Variants in C11orf65 observed in about 807,000 individuals in gnomAD.
C11orf65 encodes chromosome 11 open reading frame 65.
C11orf65 carries 38 observed loss-of-function variants against 35.3 expected under a neutral mutation model. The ratio of observed to expected loss-of-function variants is 1.08; its 90% CI spans 0.83 to 1.41. The LOEUF (loss-of-function observed/expected upper bound fraction) is 1.41, where lower values mean the gene tolerates loss of function less well. Among genes scored for constraint, C11orf65 ranks in the 40% most tolerant of loss-of-function variants. C11orf65 has a pLI of 0.00. For missense variants in C11orf65, 370 were observed against 367.1 expected (o/e 1.01, Z -0.06); for synonymous variants, 105 against 114.4 (o/e 0.92, Z 0.53).
At chr11:108,407,835 G>C (rs1339122404) in intron 3 of C11orf65, among the ~76,000 whole-genome samples, 1 of 149,668 alleles carries the variant, frequency 6.7e-6, no homozygotes, top group Non-Finnish European at 1.5e-5. Context: ...AGGAGGCTGA[G>C]GCAGGAGAAT....
chr11:108,365,566 A>G, intron 2 of C11orf65: 2 of 1,557,560 alleles, frequency 1.3e-6, no homozygotes, highest in Admixed American at 1.9e-5. Flanking sequence ...TTTAGCCTTT[A>G]TTTTTAACCT....
chr11:108,354,041 C>A (rs2089552056), intron 2 of C11orf65, among the ~76,000 whole-genome samples: 1 of 146,942 alleles, frequency 6.8e-6, no homozygotes, highest in Non-Finnish European at 1.5e-5. Flanking sequence ...TACAGCAAGA[C>A]CCTGTATCTA....
chr11:108,447,072 A>T (rs1406550105), intron 2 of C11orf65, among the ~76,000 whole-genome samples: 1 of 152,220 alleles, frequency 6.6e-6, no homozygotes, highest in Non-Finnish European at 1.5e-5. Context: ...CAATTCAACA[A>T]GAAGAGCTAA....
intron 2 of C11orf65, among the ~76,000 whole-genome samples, chr11:108,374,940 A>G (rs1297541746): frequency 2.0e-5 from 3 of 152,216 alleles, no homozygotes; most frequent in African/African-American, 7.2e-5. Context: ...TTAGAGAAAA[A>G]AGAATAAAAA....
At chr11:108,359,268 C>A (rs2090417925) in intron 2 of C11orf65, among the ~76,000 whole-genome samples, 1 of 151,402 alleles carries the variant, frequency 6.6e-6, no homozygotes, top group Non-Finnish European at 1.5e-5. Context: ...TATATGCACC[C>A]AATACAGGAG....
chr11:108,455,791 G>T (rs1279100088), intron 2 of C11orf65, among the ~76,000 whole-genome samples: 1 of 130,170 alleles, frequency 7.7e-6, no homozygotes, highest in Non-Finnish European at 1.6e-5. Context: ...ACTCCAGCCT[G>T]GGTGACAGAG....
At chr11:108,402,428 C>T (rs1392285797) in intron 6 of C11orf65, among the ~76,000 whole-genome samples, 2 of 152,170 alleles carry the variant, frequency 1.3e-5, no homozygotes, top group Non-Finnish European at 2.9e-5. Flanking sequence ...TTTGGTAGTA[C>T]TGTAGGCATT....
intron 2 of C11orf65, among the ~76,000 whole-genome samples, chr11:108,460,386 T>C (rs2093459105): frequency 6.6e-6 from 1 of 152,178 alleles, no homozygotes; most frequent in South Asian, 2.1e-4. Flanking sequence ...ATAATTCAAC[T>C]TGGAATATTC....
At chr11:108,411,715 A>G (rs929988305) in intron 3 of C11orf65, among the ~76,000 whole-genome samples, 1 of 151,932 alleles carries the variant, frequency 6.6e-6, no homozygotes, top group Non-Finnish European at 1.5e-5. Context: ...CTCTCTTTAT[A>G]TCTCACAAAA....
chr11:108,339,826 A>G (rs2087307489), intron 2 of C11orf65, among the ~76,000 whole-genome samples: 1 of 152,168 alleles, frequency 6.6e-6, no homozygotes, highest in Admixed American at 6.5e-5. Flanking sequence ...CAAGAATGTT[A>G]ATGTGATCAA....
At chr11:108,357,767 A>G (rs2090188168) in intron 2 of C11orf65, among the ~76,000 whole-genome samples, 1 of 152,190 alleles carries the variant, frequency 6.6e-6, no homozygotes, top group African/African-American at 2.4e-5. Context: ...ACAAACAGAA[A>G]GGATATCCAC....
chr11:108,456,995 C>A (rs1327104549), intron 2 of C11orf65, among the ~76,000 whole-genome samples: 3 of 151,970 alleles, frequency 2.0e-5, no homozygotes, highest in African/African-American at 7.2e-5. Flanking sequence ...CGTAATAGTA[C>A]AGGTAATAGA....
At chr11:108,358,397 C>T (rs867784036) in intron 2 of C11orf65, among the ~76,000 whole-genome samples, 1,546 of 147,758 alleles carry the variant, frequency 0.01, 22 homozygotes, top group African/African-American at 0.036. Context: ...GAGAACTTCC[C>T]CAATCTAGCA....
At chr11:108,425,787 A>T (rs1171865773) in intron 3 of C11orf65, among the ~76,000 whole-genome samples, 1 of 152,208 alleles carries the variant, frequency 6.6e-6, no homozygotes, top group Non-Finnish European at 1.5e-5. Flanking sequence ...CACATCAAAA[A>T]GCGTATCCAC....
chr11:108,452,503 G>A (rs1434198222), intron 2 of C11orf65, among the ~76,000 whole-genome samples: 2 of 152,148 alleles, frequency 1.3e-5, no homozygotes, highest in Non-Finnish European at 2.9e-5. Flanking sequence ...GGAAACAACA[G>A]GTGCTGGAGA....
intron 2 of C11orf65, among the ~76,000 whole-genome samples, chr11:108,335,475 G>A (rs929697254): frequency 6.6e-6 from 1 of 152,136 alleles, no homozygotes; most frequent in Non-Finnish European, 1.5e-5. Context: ...TGTGCCAAGT[G>A]CTATTTAATG....
chr11:108,418,080 TG>T, intron 3 of C11orf65, among the ~76,000 whole-genome samples: 1 of 152,222 alleles, frequency 6.6e-6, no homozygotes, highest in Non-Finnish European at 1.5e-5. Flanking sequence ...TACAATAATC[TG>T]AAGTATTCAC....
intron 8 of C11orf65, among the ~76,000 whole-genome samples, chr11:108,384,216 T>C (rs547444541): frequency 6.6e-6 from 1 of 152,220 alleles, no homozygotes; most frequent in South Asian, 2.1e-4. Flanking sequence ...GAGAAGGGAA[T>C]GGAGAAGCAT....
chr11:108,363,227 G>T (rs2090995729), intron 2 of C11orf65, among the ~76,000 whole-genome samples: 1 of 152,004 alleles, frequency 6.6e-6, no homozygotes, highest in African/African-American at 2.4e-5. Flanking sequence ...TCCTCTCTTG[G>T]ATTCATTTCT....
Sources: gnomAD v4.1 joint callset for allele counts (sites outside exome capture counted in the v4.1 genomes callset) on GRCh38, gnomAD v4.1.1 for gene constraint, MANE v1.5 for transcripts, NCBI Gene and HGNC (gene_info 2026-07-23, HGNC 2026-07-21) for gene names.